Variants in TNFAIP8 observed in about 807,000 individuals in gnomAD.
TNFAIP8 encodes the protein TNF alpha induced protein 8.
Under a neutral mutation model 13.3 loss-of-function variants are expected in TNFAIP8, and 7 were observed. The observed-to-expected ratio is 0.52, with a 90% confidence interval of 0.30 to 0.99. The LOEUF (loss-of-function observed/expected upper bound fraction) is 0.99. TNFAIP8 is among the 50% of genes least tolerant of loss of function. The pLI is 0.07. For synonymous variants in TNFAIP8, 94 were observed against 87.6 expected, an observed-to-expected ratio of 1.07 and a Z score of -0.41; for missense variants, 258 against 236.9, an observed-to-expected ratio of 1.09 and a Z score of -0.58.
At chr5:119,391,495 C>A (rs894089575) in intron 1 of TNFAIP8, 17 of 692,746 alleles carry the variant, frequency 2.5e-5, no homozygotes, top group African/African-American at 2.3e-4. Flanking sequence ...TGCGGTGGCT[C>A]ATGCCTGTAA....
intron 1 of TNFAIP8, among the ~76,000 whole-genome samples, chr5:119,312,122 T>G (rs1749749765): frequency 6.6e-6 from 1 of 152,180 alleles, no homozygotes; most frequent in Non-Finnish European, 1.5e-5. Context: ...ATAGGCATGC[T>G]TATTTGGTAT....
chr5:119,371,233 G>A (rs982620634), intron 1 of TNFAIP8, among the ~76,000 whole-genome samples: 4 of 152,134 alleles, frequency 2.6e-5, no homozygotes, highest in African/African-American at 7.2e-5. Context: ...TGGACTGTGC[G>A]TGGAGTCTGG....
chr5:119,287,155 C>T (rs1273831297), intron 1 of TNFAIP8, among the ~76,000 whole-genome samples: 2 of 152,050 alleles, frequency 1.3e-5, no homozygotes, highest in Non-Finnish European at 2.9e-5. Flanking sequence ...ATCTCTTCCT[C>T]TTAAGGTTTT....
At chr5:119,365,011 C>G (rs907001410) in intron 1 of TNFAIP8, among the ~76,000 whole-genome samples, 1 of 151,762 alleles carries the variant, frequency 6.6e-6, no homozygotes, top group Non-Finnish European at 1.5e-5. Context: ...ACCACCACGC[C>G]CAGCTAATTT....
chr5:119,283,664 T>G (rs887632306), intron 1 of TNFAIP8, among the ~76,000 whole-genome samples: 3 of 152,180 alleles, frequency 2.0e-5, no homozygotes, highest in Non-Finnish European at 2.9e-5. Flanking sequence ...TCCTTTTCTG[T>G]TCCTTGTCAG....
Position 119,395,970 on chromosome 5 carries a change from TA to T in TNFAIP8, c.*2591del, listed in dbSNP as rs1753063506. 6.6e-6 allele frequency: 1 copy of T among 152,202 alleles called. No individual in the cohort carries two copies. The highest frequency in any genetic ancestry group is 1.5e-5 in the Non-Finnish European group (1 of 68,026). The allele number at this position is 152,202 out of a possible 1,614,324, so 9.4% of individuals were successfully genotyped here. The stretch of plus-strand genomic sequence containing the variant: ...ATGAGTGGATATGATAAGTGGATGA[TA>T]ATACTAATGGACAACTAACGCAGAG... On this transcript the variant is annotated 3_prime_UTR_variant, in exon 2 of 2. Transcript: ENST00000504771.
chr5:119,305,384 T>A (rs1749519097), intron 1 of TNFAIP8, among the ~76,000 whole-genome samples: 1 of 152,246 alleles, frequency 6.6e-6, no homozygotes, highest in Non-Finnish European at 1.5e-5. Context: ...GGCTTTAATC[T>A]GAGAATATGT....
intron 1 of TNFAIP8, among the ~76,000 whole-genome samples, chr5:119,332,846 G>A (rs1232513785): frequency 6.6e-6 from 1 of 152,070 alleles, no homozygotes; most frequent in Admixed American, 6.5e-5. Context: ...ATGTGTACAT[G>A]TGTGTATTGT....
chr5:119,310,584 C>T (rs1052253087), intron 1 of TNFAIP8, among the ~76,000 whole-genome samples: 2 of 152,142 alleles, frequency 1.3e-5, no homozygotes, highest in Admixed American at 1.3e-4. Flanking sequence ...CCTGTAATCC[C>T]AGCACTTTGG....
intron 1 of TNFAIP8, among the ~76,000 whole-genome samples, chr5:119,330,403 TC>T (rs1750340972): frequency 6.6e-6 from 1 of 152,192 alleles, no homozygotes; most frequent in South Asian, 2.1e-4. Context: ...TGAATGTGCT[TC>T]TGATAAGGAT....
At chr5:119,330,398 G>A (rs1378259594) in intron 1 of TNFAIP8, among the ~76,000 whole-genome samples, 1 of 152,166 alleles carries the variant, frequency 6.6e-6, no homozygotes, top group African/African-American at 2.4e-5. Flanking sequence ...TTTGTTGAAT[G>A]TGCTTCTGAT....
At chr5:119,333,355 C>T in intron 1 of TNFAIP8, 6 of 1,300,894 alleles carry the variant, frequency 4.6e-6, no homozygotes, top group Non-Finnish European at 5.9e-6. Flanking sequence ...AAACCTAGCT[C>T]CCAGAATAAC....
At chr5:119,371,579 G>C (rs563826680) in intron 1 of TNFAIP8, among the ~76,000 whole-genome samples, 1 of 150,566 alleles carries the variant, frequency 6.6e-6, no homozygotes, top group East Asian at 1.9e-4. Context: ...TTAATTTTCA[G>C]ATTTGGAAAA....
At chr5:119,333,652 G>C (rs1248101145) in intron 1 of TNFAIP8, 6 of 1,508,122 alleles carry the variant, frequency 4.0e-6, no homozygotes, top group Non-Finnish European at 5.3e-6. Flanking sequence ...ACGGCCTTCA[G>C]AATATGTTTA....
At chr5:119,317,226 T>A (rs1465511489) in intron 1 of TNFAIP8, among the ~76,000 whole-genome samples, 1 of 152,186 alleles carries the variant, frequency 6.6e-6, no homozygotes, top group Non-Finnish European at 1.5e-5. Context: ...GTCCATAAAT[T>A]TATTGTACTT....
chr5:119,339,426 G>A (rs1335918542), intron 1 of TNFAIP8, among the ~76,000 whole-genome samples: 3 of 150,306 alleles, frequency 2.0e-5, no homozygotes, highest in East Asian at 3.9e-4. Context: ...GGTCAGCCAC[G>A]ATGTCTACTA....
intron 1 of TNFAIP8, among the ~76,000 whole-genome samples, chr5:119,380,517 T>C (rs1003967149): frequency 4.6e-5 from 7 of 152,246 alleles, no homozygotes; most frequent in African/African-American, 1.4e-4. Context: ...TTCTGGTAGA[T>C]GATTGGATTA....
At chr5:119,341,747 A>C (rs1335873694) in intron 1 of TNFAIP8, among the ~76,000 whole-genome samples, 2 of 152,142 alleles carry the variant, frequency 1.3e-5, no homozygotes, top group Non-Finnish European at 2.9e-5. Context: ...ATCTGTTTAG[A>C]GAAGTAGAGA....
intron 1 of TNFAIP8, among the ~76,000 whole-genome samples, chr5:119,365,060 C>T (rs1001361003): frequency 1.3e-5 from 2 of 151,812 alleles, no homozygotes; most frequent in Non-Finnish European, 2.9e-5. Flanking sequence ...CCATGTTGGC[C>T]AGGCTGGTCT....
Sources: allele counts gnomAD v4.1 joint callset (sites outside exome capture counted in the v4.1 genomes callset), GRCh38; gene constraint gnomAD v4.1.1; transcripts MANE v1.5; gene names NCBI Gene and HGNC (gene_info 2026-07-23, HGNC 2026-07-21).